Variants in SLC25A48 observed in about 807,000 individuals in gnomAD.
The protein encoded by SLC25A48 is solute carrier family 25 member 48, also known as CTC-321K16.1.
A neutral mutation model predicts 32.2 loss-of-function variants in SLC25A48; 29 were observed. The ratio of observed to expected loss-of-function variants is 0.90; its 90% CI spans 0.67 to 1.23. SLC25A48 has a LOEUF of 1.23. Ranked by LOEUF, SLC25A48 falls within the 50% of genes most tolerant of loss-of-function variation. The pLI, the probability that SLC25A48 is intolerant of heterozygous loss-of-function variation, is 0.00. For missense variants in SLC25A48, 399 were observed against 422.7 expected, an observed-to-expected ratio of 0.94 and a Z score of 0.49; for synonymous variants, 164 against 172.3, an observed-to-expected ratio of 0.95 and a Z score of 0.38.
At chr5:135,641,587 C>A (rs989158134) in intron 3 of SLC25A48, among the ~76,000 whole-genome samples, 2 of 152,212 alleles carry the variant, frequency 1.3e-5, no homozygotes, top group African/African-American at 4.8e-5. Flanking sequence ...GCTCTCCAAT[C>A]AGCATTAGTG....
intron 3 of SLC25A48, among the ~76,000 whole-genome samples, chr5:135,773,013 C>T (rs1042238811): frequency 2.0e-5 from 3 of 151,234 alleles, no homozygotes; most frequent in Non-Finnish European, 4.4e-5. Context: ...GATGGTATTA[C>T]TCCCAATATC....
intron 3 of SLC25A48, among the ~76,000 whole-genome samples, chr5:135,647,744 C>A (rs1253466830): frequency 6.6e-6 from 1 of 152,188 alleles, no homozygotes; most frequent in Non-Finnish European, 1.5e-5. Flanking sequence ...TTGGGCCTTC[C>A]TCACCATCCC....
chr5:135,737,351 G>A (rs1440439400), intron 3 of SLC25A48, among the ~76,000 whole-genome samples: 2 of 152,156 alleles, frequency 1.3e-5, no homozygotes, highest in African/African-American at 4.8e-5. Flanking sequence ...AATTTCACAA[G>A]GTAGTGTCAT....
chr5:135,851,209 T>C lies in SLC25A48; in HGVS notation c.162+713T>C, dbSNP rs536060420. Among the ~76,000 whole-genome samples the C allele has an allele frequency of 2.0e-5, 3 of 152,274 alleles. No individual in the cohort carries two copies. The South Asian group carries it at 6.2e-4, about 32-fold the overall frequency. On this transcript the variant is annotated intron_variant, in intron 3 of 7. Transcript: ENST00000681962. ...CCACCGGACTCCATCCTAACAAGTG[T>C]CCTGGGGCTCGGAAGCCTCCTGCAG...
chr5:135,620,463 C>T (rs1752299549), intron 1 of SLC25A48, among the ~76,000 whole-genome samples: 1 of 152,192 alleles, frequency 6.6e-6, no homozygotes, highest in Non-Finnish European at 1.5e-5. Context: ...AGTCCTAGTC[C>T]TGCTACTGGG....
chr5:135,768,138 T>C (rs1180665763), intron 3 of SLC25A48, among the ~76,000 whole-genome samples: 3 of 142,506 alleles, frequency 2.1e-5, no homozygotes, highest in Non-Finnish European at 4.7e-5. Flanking sequence ...TTACTCCAAA[T>C]ATCACAGTGG....
intron 3 of SLC25A48, among the ~76,000 whole-genome samples, chr5:135,808,454 C>T (rs1336504179): frequency 2.6e-5 from 4 of 151,850 alleles, no homozygotes. Context: ...CTTTTTTTCC[C>T]TCACCTCCCC....
intron 3 of SLC25A48, among the ~76,000 whole-genome samples, chr5:135,785,784 T>G: frequency 6.8e-6 from 1 of 146,140 alleles, no homozygotes; most frequent in Non-Finnish European, 1.5e-5. Context: ...TGGATCGTAA[T>G]ATCCAGGGGG....
At chr5:135,820,250 C>T (rs545753352) in intron 4 of SLC25A48, among the ~76,000 whole-genome samples, 3 of 152,262 alleles carry the variant, frequency 2.0e-5, no homozygotes, top group Admixed American at 2.0e-4. Context: ...AACTGTACCA[C>T]AAAAAGGATG....
Position 135,699,201 on chromosome 5 carries a change from C to T in SLC25A48, c.-521+64245C>T, listed in dbSNP as rs563987230. Among the ~76,000 whole-genome samples, 164 of 152,136 alleles carry T rather than the reference C, an allele frequency of 1.1e-3. 1 individual carries two copies. Among genetic ancestry groups the T allele is most frequent in the Non-Finnish European group, 9.0e-4 (61 of 68,006 alleles). ...CCATAGAGAAGTAAAAACATATGTC[C>T]GTACAGAGACTTATACAGGAATGTT... On this transcript the variant is annotated intron_variant, in intron 3 of 10. Coordinates refer to the SLC25A48 transcript ENST00000646290.
chr5:135,656,992 T>A (rs80013555), intron 3 of SLC25A48, among the ~76,000 whole-genome samples: 2,963 of 152,234 alleles, frequency 0.019, 43 homozygotes, highest in Middle Eastern at 0.027. Flanking sequence ...AGGAAACAAG[T>A]ATATCCTCCA....
chr5:135,730,842 AGAAGGTGAGTATCATTATCTCTG>A (rs1304945901), intron 3 of SLC25A48, among the ~76,000 whole-genome samples: 1 of 152,226 alleles, frequency 6.6e-6, no homozygotes, highest in African/African-American at 2.4e-5. Flanking sequence ...ACATGTGCCT[AGAAGGTGAGTATCATTATCTCTG>A]GTTTACAGAG....
At chr5:135,683,200 A>G (rs1022962508) in intron 3 of SLC25A48, among the ~76,000 whole-genome samples, 1 of 152,128 alleles carries the variant, frequency 6.6e-6, no homozygotes, top group African/African-American at 2.4e-5. Flanking sequence ...TGGTTTAATC[A>G]GTATTGACCA....
At chr5:135,747,358 T>C (rs552325045) in intron 3 of SLC25A48, among the ~76,000 whole-genome samples, 1 of 151,968 alleles carries the variant, frequency 6.6e-6, no homozygotes, top group African/African-American at 2.4e-5. Flanking sequence ...GATTTTTTTT[T>C]AATTTGTCTT....
At chr5:135,826,615 T>C (rs1329940961) in intron 4 of SLC25A48, 1 of 152,264 alleles carries the variant, frequency 6.6e-6, no homozygotes, top group Non-Finnish European at 1.5e-5. Flanking sequence ...CTTCCATTTA[T>C]TAAGCATTTA....
At chr5:135,717,381 G>C (rs935018410) in intron 3 of SLC25A48, among the ~76,000 whole-genome samples, 5 of 152,178 alleles carry the variant, frequency 3.3e-5, no homozygotes, top group Admixed American at 3.3e-4. Flanking sequence ...TCTTGTACCA[G>C]GGCCCGTCCA....
chr5:135,832,209 T>C (rs563083802), upstream of SLC25A48, among the ~76,000 whole-genome samples: 1 of 151,808 alleles, frequency 6.6e-6, no homozygotes, highest in East Asian at 1.9e-4. Context: ...CGCTGAGAGA[T>C]GGGAGGTACG....
At chr5:135,648,056 C>A (rs146550818) in intron 3 of SLC25A48, among the ~76,000 whole-genome samples, 1 of 152,082 alleles carries the variant, frequency 6.6e-6, no homozygotes, top group African/African-American at 2.4e-5. Flanking sequence ...GAGGCCTCAA[C>A]GGGGAGATTC....
chr5:135,841,362 T>A (rs867846671), intron 1 of SLC25A48, among the ~76,000 whole-genome samples: 15 of 152,250 alleles, frequency 9.9e-5, no homozygotes, highest in African/African-American at 3.4e-4. Context: ...TCTTCACTTT[T>A]GTGTGCAAAA....
Sources: allele counts gnomAD v4.1 joint callset (sites outside exome capture counted in the v4.1 genomes callset), GRCh38; gene constraint gnomAD v4.1.1; transcripts MANE v1.5; gene names NCBI Gene and HGNC (gene_info 2026-07-23, HGNC 2026-07-21).